AMOTL1: variants seen among roughly 807,000 people sequenced by gnomAD.
The protein encoded by AMOTL1 is angiomotin like 1.
AMOTL1 carries 45 observed loss-of-function variants against 102.9 expected under a neutral mutation model. The observed-to-expected ratio is 0.44, with a 90% CI of 0.34 to 0.56. The LOEUF is 0.56. Among genes scored for constraint, AMOTL1 ranks in the 20% least tolerant of loss-of-function variants. The probability of loss-of-function intolerance (pLI) is 0.01; values close to 1 mark genes in which losing one functional copy is unlikely to be tolerated. For synonymous variants in AMOTL1, 481 were observed against 484.7 expected (o/e 0.99, Z 0.10); for missense variants, 1,114 against 1,225.6 (o/e 0.91, Z 1.36).
intron 6 of AMOTL1, among the ~76,000 whole-genome samples, chr11:94,848,342 C>G (rs532260116): frequency 6.6e-6 from 1 of 152,188 alleles, no homozygotes; most frequent in Non-Finnish European, 1.5e-5. Flanking sequence ...CAGTGGGTCA[C>G]TGCAGTGGGG....
At chr11:94,813,200 C>CTA (rs1951711821) in intron 3 of AMOTL1, among the ~76,000 whole-genome samples, 1 of 152,208 alleles carries the variant, frequency 6.6e-6, no homozygotes, top group South Asian at 2.1e-4. Context: ...ATGTCAAACT[C>CTA]TAGAAGACAA....
chr11:94,767,438 CT>C (rs1030786010), upstream of AMOTL1, among the ~76,000 whole-genome samples: 8 of 152,120 alleles, frequency 5.3e-5, no homozygotes, highest in African/African-American at 9.7e-5. Context: ...GGAGGAGTCC[CT>C]GAAGGCCGGA....
At chr11:94,816,537 A>T (rs1271652680) in intron 3 of AMOTL1, among the ~76,000 whole-genome samples, 1 of 152,178 alleles carries the variant, frequency 6.6e-6, no homozygotes. Context: ...TAACAAACAC[A>T]TTTTATATTT....
At chr11:94,808,985 T>C (rs1281502252) in intron 3 of AMOTL1, among the ~76,000 whole-genome samples, 1 of 145,210 alleles carries the variant, frequency 6.9e-6, no homozygotes, top group East Asian at 2.0e-4. Context: ...TTTTTTTTTT[T>C]TTTGAGATGG....
At chr11:94,740,536 A>G (rs1950505258) in intron 2 of AMOTL1, among the ~76,000 whole-genome samples, 1 of 151,176 alleles carries the variant, frequency 6.6e-6, no homozygotes, top group South Asian at 2.1e-4. Context: ...GGCCCCCGGG[A>G]CCGCGGGAAA....
chr11:94,758,012 A>G (rs1950747301), intron 3 of AMOTL1, among the ~76,000 whole-genome samples: 1 of 152,226 alleles, frequency 6.6e-6, no homozygotes, highest in Admixed American at 6.5e-5. Flanking sequence ...CAGTGAGCCA[A>G]GACTGTGCCA....
intron 2 of AMOTL1, among the ~76,000 whole-genome samples, chr11:94,795,797 A>C (rs964784848): frequency 2.0e-5 from 3 of 152,228 alleles, no homozygotes; most frequent in African/African-American, 7.2e-5. Flanking sequence ...TCCTTTGGAA[A>C]TATATTTTGA....
intron 1 of AMOTL1, among the ~76,000 whole-genome samples, chr11:94,715,409 G>A (rs1950081861): frequency 6.6e-6 from 1 of 152,040 alleles, no homozygotes; most frequent in African/African-American, 2.4e-5. Flanking sequence ...GGCCTCAAGT[G>A]ATCCTCCCAC....
intron 8 of AMOTL1, among the ~76,000 whole-genome samples, chr11:94,857,415 G>A (rs898850252): frequency 6.6e-6 from 1 of 152,148 alleles, no homozygotes. Context: ...GAAGGGGGGT[G>A]GAGAGAGAAA....
At chr11:94,821,315 A>G (rs929830598) in intron 3 of AMOTL1, among the ~76,000 whole-genome samples, 1 of 152,158 alleles carries the variant, frequency 6.6e-6, no homozygotes, top group Non-Finnish European at 1.5e-5. Context: ...CCATGTAAAC[A>G]TCTGAGAGCA....
At chr11:94,807,570 C>A (rs2135588876) in intron 3 of AMOTL1, among the ~76,000 whole-genome samples, 1 of 152,144 alleles carries the variant, frequency 6.6e-6, no homozygotes, top group East Asian at 1.9e-4. Context: ...ATCCATAGTC[C>A]CATCACTTGC....
intron 3 of AMOTL1, among the ~76,000 whole-genome samples, chr11:94,813,038 C>T (rs1951709484): frequency 6.6e-6 from 1 of 152,216 alleles, no homozygotes; most frequent in African/African-American, 2.4e-5. Flanking sequence ...CTCAGAGCTA[C>T]CCCCATTCTC....
intron 3 of AMOTL1, among the ~76,000 whole-genome samples, chr11:94,821,216 C>T (rs1251295014): frequency 2.6e-5 from 4 of 152,190 alleles, no homozygotes; most frequent in African/African-American, 9.7e-5. Context: ...CATTCCCTGT[C>T]ACATCACTCC....
At chr11:94,798,629 C>T (rs1328406171) in intron 2 of AMOTL1, among the ~76,000 whole-genome samples, 1 of 151,928 alleles carries the variant, frequency 6.6e-6, no homozygotes, top group Non-Finnish European at 1.5e-5. Flanking sequence ...GGTGTGGTGT[C>T]ACTGGGAGAC....
At chr11:94,792,440 A>T (rs1210194953) in intron 1 of AMOTL1, among the ~76,000 whole-genome samples, 1 of 152,260 alleles carries the variant, frequency 6.6e-6, no homozygotes, top group East Asian at 1.9e-4. Context: ...CACGTTGTGC[A>T]CATGTACCCT....
At chr11:94,778,637 C>A (rs1951061642) in intron 1 of AMOTL1, among the ~76,000 whole-genome samples, 1 of 152,174 alleles carries the variant, frequency 6.6e-6, no homozygotes, top group African/African-American at 2.4e-5. Flanking sequence ...ATGGTTGTTG[C>A]AGTTACTATT....
chr11:94,713,882 A>C (rs1386788365), intron 1 of AMOTL1, among the ~76,000 whole-genome samples: 1 of 151,544 alleles, frequency 6.6e-6, no homozygotes, highest in Non-Finnish European at 1.5e-5. Flanking sequence ...ATTCTGTATG[A>C]TCTTTCTGGT....
At chr11:94,828,911 T>C (rs187906535) in intron 4 of AMOTL1, among the ~76,000 whole-genome samples, 267 of 152,284 alleles carry the variant, frequency 1.8e-3, no homozygotes, top group Admixed American at 3.0e-3. Context: ...CAGCATCTCA[T>C]CAAGCATCCA....
In AMOTL1 at chr11:94,800,185, T is replaced by G. The variant is rs754715100; in HGVS notation, c.995T>G (p.Leu332Arg). The change falls in exon 3 of 13, where the codon CTT becomes CGT. Residue 332 changes from leucine to arginine, a missense_variant. Physicochemically the swap from Leu to Arg is moderately radical, Grantham distance 102. Coordinates refer to ENST00000433060, the MANE Select transcript of AMOTL1 (RefSeq NM_130847.3). Reference protein sequence around the residue: ...SPVSKTQEHGLFYGDQHPGML... With the variant: ...SPVSKTQEHGRFYGDQHPGML... The stretch of plus-strand genomic sequence containing the variant: ...GTCAGCAAGACCCAGGAGCACGGAC[T>G]TTTTTATGGTGACCAGCACCCCGGG... 1 of 1,613,948 alleles carries G rather than the reference T, an allele frequency of 6.2e-7. No homozygotes were observed. Among genetic ancestry groups the G allele is most frequent in the Non-Finnish European group, 8.5e-7 (1 of 1,179,866 alleles).
Sources: gnomAD v4.1 joint callset for allele counts (sites outside exome capture counted in the v4.1 genomes callset) on GRCh38, gnomAD v4.1.1 for gene constraint, MANE v1.5 for transcripts, NCBI Gene and HGNC (gene_info 2026-07-23, HGNC 2026-07-21) for gene names.